Variants in AKT2 observed in about 807,000 individuals in gnomAD.
AKT2 encodes AKT serine/threonine kinase 2, also known as RAC-beta serine/threonine-protein kinase.
In AKT2, 16 loss-of-function variants were observed where a neutral mutation model predicts 58.6. The ratio of observed to expected loss-of-function variants is 0.27; its 90% CI spans 0.18 to 0.41. The LOEUF is 0.41. Ranked by LOEUF, AKT2 falls within the 10% of genes least tolerant of loss-of-function variation. The pLI is 1.00. For synonymous variants in AKT2, 253 were observed against 254.0 expected, an observed-to-expected ratio of 1.00 and a Z score of 0.04; for missense variants, 438 against 661.0, an observed-to-expected ratio of 0.66 and a Z score of 3.70.
chr19:40,265,501 GACCCAT>G, intron 1 of AKT2, 150 bp from the exon 2 acceptor site: 1 of 1,043,418 alleles, frequency 9.6e-7, no homozygotes, highest in South Asian at 1.6e-5. Flanking sequence ...CGCTCTCAAG[GACCCAT>G]TCTGAGCAGA....
rs1055245453 is a variant in AKT2 at position 40,242,387 on chromosome 19, G to A, written c.441+147C>T. 5.4e-6 allele frequency: 7 copies of A among 1,288,456 alleles called. No homozygotes were observed. Among genetic ancestry groups the A allele is most frequent in the Non-Finnish European group, 7.8e-6 (7 of 901,956 alleles). The allele number at this position is 1,288,456 out of a possible 1,614,324, so 79.8% of individuals were successfully genotyped here. On this transcript the variant is annotated intron_variant, in intron 5 of 13. Transcript: ENST00000392038. The surrounding 1 kb of genome is among the most constrained non-coding windows in gnomAD (Gnocchi z 4.3). ...GCATGGAGCACACCCTAGGGCACCTGCCACCTGAAATCACCCCACCCTGCA... is the reference window on the plus strand; with the variant it reads ...GCATGGAGCACACCCTAGGGCACCTACCACCTGAAATCACCCCACCCTGCA...
At chr19:40,271,426 C>CAA (rs60327122) in intron 1 of AKT2, among the ~76,000 whole-genome samples, 67 of 68,532 alleles carry the variant, frequency 9.8e-4, no homozygotes, top group African/African-American at 2.3e-3. Flanking sequence ...GACCCTGTCT[C>CAA]AAAAAAAAAA....
chr19:40,265,471 A>C (rs1600086316), intron 1 of AKT2, 120 bp from the exon 2 acceptor site: 1 of 1,380,330 alleles, frequency 7.2e-7, no homozygotes, highest in East Asian at 2.5e-5. Flanking sequence ...GGGTAAGGCC[A>C]GCAAGGGTGG....
At chr19:40,253,587 T>C (rs1275218656) in intron 4 of AKT2, among the ~76,000 whole-genome samples, 4 of 151,894 alleles carry the variant, frequency 2.6e-5, no homozygotes, top group Admixed American at 2.0e-4. Flanking sequence ...CTGGTACAAA[T>C]CCAAATGTTT....
chr19:40,236,229 C>G (rs367911726), intron 10 of AKT2, 28 bp downstream of exon 10: 1 of 1,613,496 alleles, frequency 6.2e-7, no homozygotes, highest in Non-Finnish European at 8.5e-7. Context: ...TGGCCTCACA[C>G]GTTCCTACCC....
intron 2 of AKT2, among the ~76,000 whole-genome samples, chr19:40,264,565 G>A (rs1226925065): frequency 1.3e-5 from 2 of 152,112 alleles, no homozygotes; most frequent in African/African-American, 4.8e-5. Flanking sequence ...CAGCCACGCT[G>A]TTACCAGAAA....
At position 40,243,075 on chromosome 19, in the gene AKT2, G is replaced by A. The variant is rs1031280225; in HGVS notation, c.288-388C>T. 3.3e-5 allele frequency: 10 copies of A among 303,680 alleles called. No individual in the cohort carries two copies. The Admixed American group carries it at 3.8e-4, about 11-fold the overall frequency. 18.8% of individuals were successfully genotyped at this position (303,680 alleles called of 1,614,324 possible). ...GAGAATTGCTTGAACCCGGGAGGCG[G>A]AGGGTGCAGTGAGCAGAGATCGCAC... On this transcript the variant is annotated intron_variant, in intron 4 of 13. Transcript: ENST00000392038.
chr19:40,238,062 G>A lies in AKT2; in HGVS notation c.738C>T (p.Val246=). ...ELFFHLSRER[V]FTEERARFYG... is the part of the protein sequence containing the mutation. Reference sequence around the variant, plus strand: ...AAAACCGGGCCCGCTCCTCTGTGAAGACACGCTCCCGGGACAGGTGGAAGA... The same window carrying A: ...AAAACCGGGCCCGCTCCTCTGTGAAAACACGCTCCCGGGACAGGTGGAAGA... Residue 246 remains valine (V), a synonymous_variant, in exon 9 of 14, where the codon GTC becomes GTT. Transcript: ENST00000392038. The surrounding 1 kb of genome is among the most constrained non-coding windows in gnomAD (Gnocchi z 5.1). 1 of 1,606,020 alleles carries A rather than the reference G, an allele frequency of 6.2e-7. No individual in the cohort carries two copies.
At position 40,236,273 on chromosome 19, in the gene AKT2, T is replaced by C. The variant is rs1441119595; in HGVS notation, c.944A>G (p.Glu315Gly). The C allele has an allele frequency of 6.2e-7, 1 of 1,613,898 alleles. No individual in the cohort carries two copies. The change falls in exon 10 of 14, where the codon GAG (glutamate) becomes GGG (glycine). Residue 315 changes from glutamate to glycine, a missense_variant. Glu to Gly is a moderately conservative substitution (Grantham distance 98). Around this residue, in one of 3 missense-constraint regions of AKT2, gnomAD observed 46 missense variants for 114.5 expected, o/e 0.40. Transcript: ENST00000392038. Reference sequence around the variant, plus strand: ...CCCAGACACCTCAGGCGCCAGGTACTCCGGGGTCCCACAGAAGGTTTTCAT... The same window carrying C: ...CCCAGACACCTCAGGCGCCAGGTACCCCGGGGTCCCACAGAAGGTTTTCAT... Reference protein sequence around the residue: ...ATMKTFCGTPEYLAPEVLEDN... With the variant: ...ATMKTFCGTPGYLAPEVLEDN...
intron 1 of AKT2, among the ~76,000 whole-genome samples, chr19:40,280,579 G>T (rs551221138): frequency 1.9e-4 from 29 of 152,052 alleles, no homozygotes; most frequent in Admixed American, 7.9e-4. Context: ...AGTCCACAAG[G>T]CTCCCAGTGA....
chr19:40,231,913 T>G lies in AKT2; in HGVS notation c.*1959A>C, dbSNP rs1406030959. 1 of 232,836 alleles carries G rather than the reference T, an allele frequency of 4.3e-6. No individual in the cohort carries two copies. Among genetic ancestry groups the G allele is most frequent in the African/African-American group, 2.2e-5 (1 of 45,172 alleles). 14.4% of individuals were successfully genotyped at this position (232,836 alleles called of 1,614,324 possible). A position where few individuals can be genotyped will look rare whatever the true frequency, so the allele number is the denominator to read the frequency against. On this transcript the variant is annotated 3_prime_UTR_variant, in exon 14 of 14. Transcript: ENST00000392038. The stretch of plus-strand genomic sequence containing the variant: ...CCAGGTGGCAGCATAAACAGGGAGG[T>G]GGGGCAGGATAGGAATGCCCCCCTC...
chr19:40,257,175 C>T (rs901500840), intron 2 of AKT2, 121 bp from the exon 3 acceptor site: 7 of 1,324,986 alleles, frequency 5.3e-6, no homozygotes, highest in South Asian at 4.8e-5. Context: ...CGGGGAGGTG[C>T]GGGGGACACA....
At chr19:40,250,744 C>A (rs1404310223) in intron 4 of AKT2, among the ~76,000 whole-genome samples, 1 of 152,010 alleles carries the variant, frequency 6.6e-6, no homozygotes, top group Non-Finnish European at 1.5e-5. Context: ...GGGAGGATCA[C>A]CTAAATCCGG....
intron 1 of AKT2, among the ~76,000 whole-genome samples, chr19:40,275,943 C>T (rs542941941): frequency 4.7e-5 from 7 of 149,164 alleles, no homozygotes; most frequent in East Asian, 2.0e-4. Flanking sequence ...ACCCGGGAGG[C>T]GGCGGTTGTA....
At chr19:40,265,120 C>T in intron 2 of AKT2, 102 bp downstream of exon 2, 3 of 1,527,140 alleles carry the variant, frequency 2.0e-6, no homozygotes, top group South Asian at 2.4e-5. Context: ...AATGCTGGCT[C>T]CTCAGGCTGG....
intron 1 of AKT2, chr19:40,284,891 G>C (rs2077485414): frequency 3.7e-6 from 1 of 273,096 alleles, no homozygotes; most frequent in Non-Finnish European, 6.8e-6. Flanking sequence ...CGCCGCGCCC[G>C]AAAGGTCCAG....
Position 40,242,326 on chromosome 19 carries a change from C to A in AKT2, c.441+208G>T. 1 of 896,636 alleles carries A rather than the reference C, an allele frequency of 1.1e-6. No homozygotes were observed. Among genetic ancestry groups the A allele is most frequent in the Non-Finnish European group, 1.7e-6 (1 of 575,240 alleles). 55.5% of individuals were successfully genotyped at this position (896,636 alleles called of 1,614,324 possible). ...TTCACCAACTCCCAGGACGAACCTG[C>A]AGTGGGTCCACCCAAGGTTGCTCCC... On this transcript the variant is annotated intron_variant, in intron 5 of 13. Coordinates refer to ENST00000392038, the MANE Select transcript of AKT2 (RefSeq NM_001626.6). The surrounding 1 kb of genome is among the most constrained non-coding windows in gnomAD (Gnocchi z 4.3).
intron 4 of AKT2, among the ~76,000 whole-genome samples, chr19:40,253,764 A>G (rs1216371788): frequency 6.6e-6 from 1 of 152,086 alleles, no homozygotes; most frequent in African/African-American, 2.4e-5. Context: ...TCACTGCAGC[A>G]TTCCTTATAA....
rs2145150675 is a variant in AKT2 at position 40,234,043 on chromosome 19, G to A, written c.1367-92C>T. ...CCTGGGGAAACGGCCCCAGCTGGCGGGGGCTGCCCACAGGACAGGACAGGA... is the reference window on the plus strand; with the variant it reads ...CCTGGGGAAACGGCCCCAGCTGGCGAGGGCTGCCCACAGGACAGGACAGGA... On this transcript the variant is annotated intron_variant, in intron 13 of 13. Coordinates refer to ENST00000392038, the MANE Select transcript of AKT2 (RefSeq NM_001626.6). This position sits in a 1 kb window ranked among gnomAD's most constrained non-coding sequence, Gnocchi z 4.7. 1 of 1,342,804 alleles carries A rather than the reference G, an allele frequency of 7.4e-7. No individual in the cohort carries two copies. The highest frequency in any genetic ancestry group is 1.4e-5 in the African/African-American group (1 of 69,556). The allele number at this position is 1,342,804 out of a possible 1,614,324, so 83.2% of individuals were successfully genotyped here.
Sources: gnomAD v4.1 joint callset for allele counts (sites outside exome capture counted in the v4.1 genomes callset) on GRCh38, gnomAD v4.1.1 for gene constraint, gnomAD v4.1.1 regional missense constraint, Gnocchi (gnomAD v3.1) non-coding constraint, MANE v1.5 for transcripts, NCBI Gene and HGNC (gene_info 2026-07-23, HGNC 2026-07-21) for gene names.